Variants in NHS observed in about 807,000 individuals in gnomAD.
NHS encodes NHS actin remodeling regulator, also known as actin remodeling regulator NHS.
NHS carries 5 observed loss-of-function variants against 72.5 expected under a neutral mutation model. That is an observed-to-expected ratio of 0.07 (90% CI 0.04 to 0.14). The LOEUF (loss-of-function observed/expected upper bound fraction) is 0.14. NHS is among the 10% of genes least tolerant of loss of function. NHS has a pLI of 1.00. For synonymous variants in NHS, 464 were observed against 547.7 expected (o/e 0.85, Z 2.13); for missense variants, 1,072 against 1,355.7 (o/e 0.79, Z 3.29).
intron 1 of NHS, among the ~76,000 whole-genome samples, chrX:17,456,138 G>GT (rs921477897): frequency 4.5e-5 from 5 of 111,659 alleles, no homozygotes; most frequent in Non-Finnish European, 7.5e-5. Flanking sequence ...AATATAATAT[G>GT]TTTTTTTGCC....
intron 1 of NHS, among the ~76,000 whole-genome samples, chrX:17,417,144 A>G (rs1317284426): frequency 2.7e-5 from 3 of 110,480 alleles, no homozygotes; most frequent in African/African-American, 9.9e-5. Context: ...AAAGACACAA[A>G]AACTAAGATT....
chrX:17,513,280 G>C (rs761024121), intron 1 of NHS, among the ~76,000 whole-genome samples: 2 of 111,790 alleles, frequency 1.8e-5, no homozygotes, highest in Non-Finnish European at 3.8e-5. Context: ...CCCATGGTAG[G>C]TTACAAATGG....
intron 1 of NHS, among the ~76,000 whole-genome samples, chrX:17,507,667 G>A (rs1019087001): frequency 2.7e-5 from 3 of 112,106 alleles, no homozygotes; most frequent in African/African-American, 9.7e-5. Context: ...TTGTTTACCC[G>A]AGGTGTCTGA....
intron 1 of NHS, among the ~76,000 whole-genome samples, chrX:17,627,536 G>A (rs1482407793): frequency 9.0e-6 from 1 of 111,677 alleles, no homozygotes; most frequent in Non-Finnish European, 1.9e-5. Context: ...ATTTGGATTG[G>A]GGAAGCCAAG....
intron 1 of NHS, among the ~76,000 whole-genome samples, chrX:17,509,895 C>T (rs1260964791): frequency 8.9e-6 from 1 of 112,622 alleles, no homozygotes; most frequent in African/African-American, 3.2e-5. Context: ...CAACAGCAGC[C>T]ACAATAGTAG....
intron 1 of NHS, among the ~76,000 whole-genome samples, chrX:17,508,515 A>G (rs1356773847): frequency 1.8e-5 from 2 of 111,356 alleles, no homozygotes; most frequent in African/African-American, 6.5e-5. Context: ...CTGTCACCCA[A>G]ACTGGAGTGC....
At chrX:17,576,870 C>T (rs977515255) in intron 1 of NHS, among the ~76,000 whole-genome samples, 25 of 111,703 alleles carry the variant, frequency 2.2e-4, no homozygotes, top group African/African-American at 8.1e-4. Context: ...TTGATGCATT[C>T]CCAAAATCTC....
chrX:17,483,017 T>G (rs2064952744), intron 1 of NHS, among the ~76,000 whole-genome samples: 1 of 86,633 alleles, frequency 1.2e-5, no homozygotes, highest in African/African-American at 4.0e-5. Flanking sequence ...GCTCCACTGC[T>G]ATCACCCAAG....
intron 1 of NHS, among the ~76,000 whole-genome samples, chrX:17,568,107 T>C (rs1244623753): frequency 8.9e-6 from 1 of 111,866 alleles, no homozygotes; most frequent in East Asian, 2.8e-4. Flanking sequence ...CCATGGTATC[T>C]GGCTACAAAC....
At chrX:17,571,217 T>A (rs755979475) in intron 1 of NHS, among the ~76,000 whole-genome samples, 3 of 112,271 alleles carry the variant, frequency 2.7e-5, no homozygotes, top group Non-Finnish European at 5.6e-5. Flanking sequence ...TCTTTTTCTG[T>A]TGTTTGGAAT....
intron 1 of NHS, among the ~76,000 whole-genome samples, chrX:17,639,217 T>C (rs1159917963): frequency 9.0e-6 from 1 of 111,282 alleles, no homozygotes; most frequent in Non-Finnish European, 1.9e-5. Context: ...AAGTGAGCAT[T>C]TGGGGAGCAA....
rs570021239 is a variant in NHS, at chrX:17,538,754, G to GA, written c.566-148985dup. 4.4e-4 allele frequency among the ~76,000 whole-genome samples: 49 copies of GA among 112,143 alleles called. No homozygotes were observed. In the South Asian group the frequency reaches 0.018, roughly 42 times the overall value. On this transcript the variant is annotated intron_variant, in intron 1 of 8. Coordinates refer to ENST00000676302, the MANE Select transcript of NHS (RefSeq NM_001291867.2). ...GGGAAGCCAACCTTTCTGAGGCCAGGAAAGCATTTCTCTGGGTGCCCAATG... is the reference window on the plus strand; with the variant it reads ...GGGAAGCCAACCTTTCTGAGGCCAGGAAAAGCATTTCTCTGGGTGCCCAATG...
At chrX:17,380,187 G>C (rs2064369409) in intron 1 of NHS, among the ~76,000 whole-genome samples, 1 of 111,644 alleles carries the variant, frequency 9.0e-6, no homozygotes, top group Non-Finnish European at 1.9e-5. Context: ...CAGAACTGGG[G>C]AGAAGTCAAC....
At chrX:17,462,452 T>C (rs1316011815) in intron 1 of NHS, among the ~76,000 whole-genome samples, 6 of 111,705 alleles carry the variant, frequency 5.4e-5, no homozygotes, top group African/African-American at 6.5e-5. Flanking sequence ...TATGAGCTTA[T>C]TGAAATTGAG....
intron 1 of NHS, among the ~76,000 whole-genome samples, chrX:17,520,753 T>G (rs1443311824): frequency 8.9e-6 from 1 of 112,043 alleles, no homozygotes; most frequent in African/African-American, 3.2e-5. Context: ...TAATTGCAAG[T>G]GTAATTTCAA....
At chrX:17,463,694 G>A (rs2064859096) in intron 1 of NHS, among the ~76,000 whole-genome samples, 1 of 111,802 alleles carries the variant, frequency 8.9e-6, no homozygotes, top group Admixed American at 9.5e-5. Flanking sequence ...GAGGCAGATT[G>A]ATTAAACTGT....
chrX:17,623,238 C>T (rs2065782712), intron 1 of NHS, among the ~76,000 whole-genome samples: 1 of 112,322 alleles, frequency 8.9e-6, no homozygotes, highest in Non-Finnish European at 1.9e-5. Context: ...TGTGGCCGGC[C>T]CTCAATGGCC....
At chrX:17,606,372 G>C (rs1293772019) in intron 1 of NHS, among the ~76,000 whole-genome samples, 3 of 112,063 alleles carry the variant, frequency 2.7e-5, no homozygotes, top group African/African-American at 9.7e-5. Context: ...GCCCCTGGTA[G>C]ACATGAGAGT....
At chrX:17,543,638 GT>G (rs374205415) in intron 1 of NHS, among the ~76,000 whole-genome samples, 1,121 of 111,393 alleles carry the variant, frequency 0.01, 15 homozygotes, top group African/African-American at 0.034. Flanking sequence ...GGCAGTTCTT[GT>G]TTTTTTTGTT....
Sources: gnomAD v4.1 joint callset for allele counts (sites outside exome capture counted in the v4.1 genomes callset) on GRCh38, gnomAD v4.1.1 for gene constraint, MANE v1.5 for transcripts, NCBI Gene and HGNC (gene_info 2026-07-23, HGNC 2026-07-21) for gene names.